MAT2B: variants seen among roughly 807,000 people sequenced by gnomAD.
The protein encoded by MAT2B is methionine adenosyltransferase 2 subunit beta.
In MAT2B, 16 loss-of-function variants were observed where a neutral mutation model predicts 36.1. That is an observed-to-expected ratio of 0.44 (90% confidence interval 0.30 to 0.67). MAT2B has a LOEUF of 0.67. Ranked by LOEUF, MAT2B falls within the 30% of genes least tolerant of loss-of-function variation. The probability of loss-of-function intolerance (pLI) is 0.09; values close to 1 mark genes in which losing one functional copy is unlikely to be tolerated. For synonymous variants in MAT2B, 148 were observed against 136.9 expected (o/e 1.08, Z -0.57); for missense variants, 332 against 398.2 (o/e 0.83, Z 1.42).
In MAT2B at chr5:163,512,121, A is replaced by T. The variant is rs1474589337; in HGVS notation, c.183A>T (p.Arg61Ser). 6.2e-7 allele frequency: 1 copy of T among 1,614,176 alleles called. No individual in the cohort carries two copies. The highest frequency in any genetic ancestry group is 1.7e-5 in the Admixed American group (1 of 60,028). Residue 61 changes from arginine (R) to serine (S), a missense_variant, in exon 2 of 7, where the codon AGA becomes AGT. Physicochemically the swap from Arg to Ser is moderately radical, Grantham distance 110. Transcript: ENST00000321757. ...GGCATGCAGTTGGCTGTGGTTTCAG[A>T]AGAGCAAGACCAAAATTTGAACAGG... is the stretch of plus-strand genomic sequence containing the variant. ...NNWHAVGCGF[R>S]RARPKFEQVN... is the part of the protein sequence containing the mutation.
upstream of MAT2B, among the ~76,000 whole-genome samples, chr5:163,505,124 CG>C (rs1320909789): frequency 6.6e-6 from 1 of 151,994 alleles, no homozygotes; most frequent in Non-Finnish European, 1.5e-5. Flanking sequence ...ATGGCTCAGA[CG>C]CCAACCCTTT....
chr5:163,514,978 TC>T (rs1760109123), intron 4 of MAT2B, among the ~76,000 whole-genome samples: 1 of 152,172 alleles, frequency 6.6e-6, no homozygotes, highest in Non-Finnish European at 1.5e-5. Flanking sequence ...TGAGGGTCTT[TC>T]TGGTCCTCTG....
upstream of MAT2B, chr5:163,503,340 A>G (rs1759878089): frequency 1.9e-6 from 3 of 1,561,296 alleles, no homozygotes; most frequent in Non-Finnish European, 2.6e-6. Flanking sequence ...CCAGCAAGAG[A>G]AGGCAGAGGC....
chr5:163,508,466 G>GACCTCACACTTGAGGTCC (rs1260776233), intron 1 of MAT2B, among the ~76,000 whole-genome samples: 1 of 152,030 alleles, frequency 6.6e-6, no homozygotes, highest in Non-Finnish European at 1.5e-5. Flanking sequence ...TTGAACCCCT[G>GACCTCACACTTGAGGTCC]ACCTCAAGTG....
chr5:163,515,299 A>G (rs915562338), intron 4 of MAT2B, among the ~76,000 whole-genome samples: 6 of 152,228 alleles, frequency 3.9e-5, no homozygotes, highest in Non-Finnish European at 8.8e-5. Flanking sequence ...GGACCATTAT[A>G]AAATCTAAAT....
chr5:163,503,528 T>TAGAAACGG, upstream of MAT2B: 1 of 1,043,558 alleles, frequency 9.6e-7, no homozygotes, highest in Non-Finnish European at 1.5e-6. Flanking sequence ...GTAAAGAAAA[T>TAGAAACGG]AGAAACGGGT....
At chr5:163,503,460 G>A (rs776340240), upstream of MAT2B, 1 of 1,596,420 alleles carries the variant, frequency 6.3e-7, no homozygotes. Flanking sequence ...AAGCATTCTA[G>A]AGTAAGAGAT....
intron 1 of MAT2B, among the ~76,000 whole-genome samples, chr5:163,510,763 T>C (rs1386629481): frequency 2.0e-5 from 3 of 152,176 alleles, no homozygotes; most frequent in Non-Finnish European, 4.4e-5. Flanking sequence ...TTGGTTAAAC[T>C]TAGAAAGCAT....
chr5:163,505,642 G>T lies in MAT2B; in HGVS notation c.-45G>T. 1.6e-6 allele frequency: 2 copies of T among 1,258,274 alleles called. No individual in the cohort carries two copies. The highest frequency in any genetic ancestry group is 2.0e-6 in the Non-Finnish European group (2 of 993,626). 77.9% of individuals were successfully genotyped at this position (1,258,274 alleles called of 1,614,324 possible). On this transcript the variant is annotated 5_prime_UTR_variant, in exon 1 of 7. Transcript: ENST00000321757. ...CTGAGGCCCGCGTCGATCCTGGGTT[G>T]GAGGAGGTGGCGGCCGCTGAGGCTG...
In MAT2B at chr5:163,518,305, A is replaced by G. The variant is rs748028658; in HGVS notation, c.947A>G (p.Lys316Arg). The G allele has an allele frequency of 1.1e-5, 17 of 1,613,922 alleles. No homozygotes were observed. Among genetic ancestry groups the G allele is most frequent in the African/African-American group, 4.0e-5 (3 of 74,908 alleles). The stretch of plus-strand genomic sequence containing the variant: ...CGAACACCATTTCGAATTGGAATCA[A>G]AGAATCACTTTGGCCTTTCCTCATT... ...GQRTPFRIGI[K>R]ESLWPFLIDK... Residue 316 changes from lysine (K) to arginine (R), a missense_variant, in exon 7 of 7, where the codon AAA (lysine) becomes AGA (arginine). Lys to Arg is a conservative substitution (Grantham distance 26, BLOSUM62 2). Coordinates refer to ENST00000321757, the MANE Select transcript of MAT2B (RefSeq NM_013283.5).
chr5:163,509,408 C>T (rs376702815), intron 1 of MAT2B, among the ~76,000 whole-genome samples: 1 of 152,076 alleles, frequency 6.6e-6, no homozygotes, highest in Non-Finnish European at 1.5e-5. Context: ...TCCTGGAGTT[C>T]GAGAGTACAC....
upstream of MAT2B, among the ~76,000 whole-genome samples, chr5:163,503,903 A>C (rs999648689): frequency 6.6e-6 from 1 of 152,216 alleles, no homozygotes; most frequent in South Asian, 2.1e-4. Context: ...TCATTAAAGA[A>C]AATGATTAAA....
At chr5:163,505,610 G>T, upstream of MAT2B, 1 of 1,249,210 alleles carries the variant, frequency 8.0e-7, no homozygotes. Context: ...GGCCGAGGGC[G>T]TCTGAGCTGA....
chr5:163,508,639 T>G (rs982204813), intron 1 of MAT2B, among the ~76,000 whole-genome samples: 3 of 152,008 alleles, frequency 2.0e-5, no homozygotes, highest in African/African-American at 7.3e-5. Flanking sequence ...TTTTTTGAGA[T>G]GAAGTCTAGC....
At chr5:163,503,357 C>G, upstream of MAT2B, 1 of 1,607,648 alleles carries the variant, frequency 6.2e-7, no homozygotes, top group East Asian at 2.2e-5. Flanking sequence ...AGGCTAAGAC[C>G]CATCCCGTAT....
chr5:163,506,872 G>A (rs1442091894), intron 1 of MAT2B, among the ~76,000 whole-genome samples: 2 of 152,204 alleles, frequency 1.3e-5, no homozygotes, highest in African/African-American at 4.8e-5. Flanking sequence ...ACAACGAAGA[G>A]CTTGGCACAG....
Position 163,517,563 on chromosome 5 carries a change from T to C in MAT2B, c.723T>C (p.Asp241=), listed in dbSNP as rs1303568403. 1.3e-6 allele frequency: 2 copies of C among 1,569,468 alleles called. No homozygotes were observed. Among genetic ancestry groups the C allele is most frequent in the African/African-American group, 1.4e-5 (1 of 74,010 alleles). Residue 241 remains aspartate, a splice_region_variant and synonymous_variant, in exon 6 of 7, where the codon GAT becomes GAC. Transcript: ENST00000321757. ...ATTTATTGTGTCATCGTTCTTAGGATCCATCAATTAAGGGAACCTTTCACT... is the reference window on the plus strand; with the variant it reads ...ATTTATTGTGTCATCGTTCTTAGGACCCATCAATTAAGGGAACCTTTCACT... ...CRQLAEKRML[D]PSIKGTFHWS... is the part of the protein sequence containing the mutation.
chr5:163,518,433 A>C lies in MAT2B; in HGVS notation c.*70A>C, dbSNP rs1380528936. On this transcript the variant is annotated 3_prime_UTR_variant, in exon 7 of 7. Coordinates refer to ENST00000321757, the MANE Select transcript of MAT2B (RefSeq NM_013283.5). ...GTATGTGGCACTTTTTAAAGAACAA[A>C]GGAAATAGTTTTGTATGAGTACTTT... The C allele has an allele frequency of 4.5e-6, 6 of 1,348,076 alleles. No individual in the cohort carries two copies. The Admixed American group carries it at 1.4e-4, about 31-fold the overall frequency. 83.5% of individuals were successfully genotyped at this position (1,348,076 alleles called of 1,614,324 possible). A position where few individuals can be genotyped will look rare whatever the true frequency, so the allele number is the denominator to read the frequency against.
chr5:163,505,611 T>C (rs969034916), upstream of MAT2B: 3 of 1,248,746 alleles, frequency 2.4e-6, no homozygotes, highest in Admixed American at 4.2e-5. Flanking sequence ...GCCGAGGGCG[T>C]CTGAGCTGAG....
Sources: allele counts gnomAD v4.1 joint callset (sites outside exome capture counted in the v4.1 genomes callset), GRCh38; gene constraint gnomAD v4.1.1; transcripts MANE v1.5; gene names NCBI Gene and HGNC (gene_info 2026-07-23, HGNC 2026-07-21).